BRINP3: variants seen among roughly 807,000 people sequenced by gnomAD.
The protein encoded by BRINP3 is BMP/retinoic acid-inducible neural-specific protein 3.
A neutral mutation model predicts 71.0 loss-of-function variants in BRINP3; 19 were observed. That is an observed-to-expected ratio of 0.27 (90% CI 0.19 to 0.39). The LOEUF is 0.39. BRINP3 is among the 10% of genes least tolerant of loss of function. The pLI is 1.00. For synonymous variants in BRINP3, 380 were observed against 337.7 expected (o/e 1.13, Z -1.37); for missense variants, 959 against 940.8 (o/e 1.02, Z -0.25).
At chr1:190,271,227 T>TATA (rs1449362950) in intron 3 of BRINP3, among the ~76,000 whole-genome samples, 1 of 151,696 alleles carries the variant, frequency 6.6e-6, no homozygotes, top group Admixed American at 6.6e-5. Context: ...GACAGAAATG[T>TATA]ATAATCAGTT....
chr1:190,310,401 A>G (rs904150208), intron 2 of BRINP3, among the ~76,000 whole-genome samples: 1 of 151,708 alleles, frequency 6.6e-6, no homozygotes, highest in Non-Finnish European at 1.5e-5. Flanking sequence ...CAAATACAAC[A>G]AAGTTAAACT....
chr1:190,279,199 C>T (rs1210567188), intron 3 of BRINP3, among the ~76,000 whole-genome samples: 1 of 151,700 alleles, frequency 6.6e-6, no homozygotes, highest in Admixed American at 6.6e-5. Flanking sequence ...GATTTTATTG[C>T]ATTAATAATA....
chr1:190,302,462 A>G (rs141586154), intron 2 of BRINP3, among the ~76,000 whole-genome samples: 319 of 151,750 alleles, frequency 2.1e-3, no homozygotes, highest in African/African-American at 7.5e-3. Flanking sequence ...TGATAATAAA[A>G]ATCCAAACTA....
intron 2 of BRINP3, among the ~76,000 whole-genome samples, chr1:190,316,064 C>G (rs980794520): frequency 2.7e-5 from 4 of 149,796 alleles, no homozygotes; most frequent in Non-Finnish European, 4.4e-5. Context: ...ACCGGTGCAG[C>G]TGAGGATGAC....
intron 6 of BRINP3, among the ~76,000 whole-genome samples, chr1:190,203,753 ATATATATATATATATATATATAT>A (rs1655225834): frequency 0.029 from 154 of 5,360 alleles, 6 homozygotes; most frequent in African/African-American, 0.076. Flanking sequence ...TAAAGAAAAT[ATATATATATATATATATATATAT>A]ATATATATAT....
intron 5 of BRINP3, among the ~76,000 whole-genome samples, chr1:190,229,333 A>C (rs554903913): frequency 3.2e-4 from 48 of 151,246 alleles, no homozygotes; most frequent in African/African-American, 1.0e-3. Flanking sequence ...CCCTGCACAA[A>C]CTCTCTCTTG....
chr1:190,184,787 CT>C (rs1653362814), intron 6 of BRINP3, among the ~76,000 whole-genome samples: 1 of 152,102 alleles, frequency 6.6e-6, no homozygotes, highest in Non-Finnish European at 1.5e-5. Context: ...CTATCATATA[CT>C]ATATTCACTA....
intron 2 of BRINP3, among the ~76,000 whole-genome samples, chr1:190,414,282 C>T (rs1266744529): frequency 6.6e-6 from 1 of 151,614 alleles, no homozygotes; most frequent in African/African-American, 2.4e-5. Context: ...TACTCTGGTG[C>T]AGTTTTTTTT....
chr1:190,298,654 G>A (rs2102988851), intron 2 of BRINP3, among the ~76,000 whole-genome samples: 1 of 152,056 alleles, frequency 6.6e-6, no homozygotes, highest in Non-Finnish European at 1.5e-5. Context: ...TTCTAGTATT[G>A]CTTTCTTGTA....
chr1:190,417,515 T>G (rs1326707250), intron 2 of BRINP3, among the ~76,000 whole-genome samples: 1 of 152,158 alleles, frequency 6.6e-6, no homozygotes, highest in Non-Finnish European at 1.5e-5. Context: ...TGCTGTTGTT[T>G]TAATACTTCC....
intron 2 of BRINP3, among the ~76,000 whole-genome samples, chr1:190,365,810 A>G (rs1298506417): frequency 2.5e-4 from 16 of 63,586 alleles, no homozygotes; most frequent in Admixed American, 6.1e-4. Flanking sequence ...GCAAGTGTAT[A>G]TATATATATA....
In BRINP3 at chr1:190,098,409, C is replaced by T; in HGVS notation, c.1910G>A (p.Gly637Asp). The stretch of plus-strand genomic sequence containing the variant: ...GTAAATGCTCTCATTACCATTGGGA[C>T]CATTGGACTTGATGCGACTTCTCAG... ...IYLRSRIKSN[G>D]PNGNESIYYE... The change falls in exon 8 of 8, where the codon GGT becomes GAT. Residue 637 changes from glycine to aspartate, a missense_variant. Physicochemically the swap from Gly to Asp is moderately conservative, Grantham distance 94. Coordinates refer to ENST00000367462, the MANE Select transcript of BRINP3 (RefSeq NM_199051.3). 6.2e-7 allele frequency: 1 copy of T among 1,614,168 alleles called. No individual in the cohort carries two copies. Among genetic ancestry groups the T allele is most frequent in the Non-Finnish European group, 8.5e-7 (1 of 1,180,028 alleles).
intron 2 of BRINP3, among the ~76,000 whole-genome samples, chr1:190,301,198 CACATACATATAT>C (rs1558160560): frequency 3.7e-5 from 1 of 26,720 alleles, no homozygotes; most frequent in African/African-American, 8.2e-5. Flanking sequence ...TATATATATA[CACATACATATAT>C]ATATATATAT....
chr1:190,334,732 G>A (rs1005200532), intron 2 of BRINP3, among the ~76,000 whole-genome samples: 8 of 151,708 alleles, frequency 5.3e-5, no homozygotes, highest in Non-Finnish European at 7.4e-5. Context: ...CTTAAACTGG[G>A]AAGTATAAAA....
At chr1:190,368,659 G>A (rs944821305) in intron 2 of BRINP3, among the ~76,000 whole-genome samples, 2 of 152,074 alleles carry the variant, frequency 1.3e-5, no homozygotes. Flanking sequence ...GGGTCTGAAG[G>A]AACTCCTGAA....
At chr1:190,248,290 G>C (rs938090172) in intron 4 of BRINP3, among the ~76,000 whole-genome samples, 1 of 151,438 alleles carries the variant, frequency 6.6e-6, no homozygotes, top group Non-Finnish European at 1.5e-5. Context: ...TATTGATTTA[G>C]TCAAGTTGCT....
chr1:190,375,233 C>T lies in BRINP3; in HGVS notation c.236+79422G>A, dbSNP rs78833442. ...AAATGGTTTAACATATATATACACACACATACAAATCATACATGTTTGTAT... is the reference window on the plus strand; with the variant it reads ...AAATGGTTTAACATATATATACACATACATACAAATCATACATGTTTGTAT... On this transcript the variant is annotated intron_variant, in intron 2 of 7. Coordinates refer to ENST00000367462, the MANE Select transcript of BRINP3 (RefSeq NM_199051.3). 5.2e-3 allele frequency among the ~76,000 whole-genome samples: 790 copies of T among 151,884 alleles called. 8 individuals carry two copies. The highest frequency in any genetic ancestry group is 0.018 in the African/African-American group (739 of 41,470).
chr1:190,187,255 TTAC>T (rs1453954831), intron 6 of BRINP3, among the ~76,000 whole-genome samples: 3 of 152,156 alleles, frequency 2.0e-5, no homozygotes, highest in African/African-American at 7.2e-5. Flanking sequence ...GTTGTTTGAG[TTAC>T]TGTTATATTT....
intron 2 of BRINP3, among the ~76,000 whole-genome samples, chr1:190,319,999 TG>T (rs1666131347): frequency 6.6e-6 from 1 of 152,272 alleles, no homozygotes; most frequent in South Asian, 2.1e-4. Flanking sequence ...GTTTAAATTT[TG>T]ATCTTTGTGA....
Sources: gnomAD v4.1 joint callset for allele counts (sites outside exome capture counted in the v4.1 genomes callset) on GRCh38, gnomAD v4.1.1 for gene constraint, MANE v1.5 for transcripts, NCBI Gene and HGNC (gene_info 2026-07-23, HGNC 2026-07-21) for gene names.